The following USH2A variants were observed in gnomAD, a reference collection of about 807,000 sequenced individuals.
USH2A encodes Usher syndrome 2A (autosomal recessive, mild).
USH2A carries 443 observed loss-of-function variants against 538.9 expected under a neutral mutation model. The observed-to-expected ratio is 0.82, with a 90% confidence interval of 0.76 to 0.89. The LOEUF (loss-of-function observed/expected upper bound fraction) is 0.89. USH2A is among the 40% of genes least tolerant of loss of function. USH2A has a pLI of 0.00. For missense variants in USH2A, 6,633 were observed against 6,324.8 expected, an observed-to-expected ratio of 1.05 and a Z score of -1.65; for synonymous variants, 2,413 against 2,273.5, an observed-to-expected ratio of 1.06 and a Z score of -1.75.
intron 32 of USH2A, among the ~76,000 whole-genome samples, chr1:216,040,352 C>G (rs531594573): frequency 6.3e-4 from 96 of 151,986 alleles, no homozygotes; most frequent in African/African-American, 2.3e-3. Context: ...AGTCATTATC[C>G]ACAGCAATGG....
At chr1:216,167,486 T>A (rs950140103) in intron 21 of USH2A, among the ~76,000 whole-genome samples, 1 of 152,056 alleles carries the variant, frequency 6.6e-6, no homozygotes, top group Non-Finnish European at 1.5e-5. Context: ...AACACTTAAC[T>A]GGCAAGGAAA....
chr1:216,337,324 T>C (rs776647836), intron 4 of USH2A, among the ~76,000 whole-genome samples: 1 of 151,294 alleles, frequency 6.6e-6, no homozygotes, highest in Non-Finnish European at 1.5e-5. Context: ...AACTGAAGCA[T>C]ATAGATATTA....
In USH2A at chr1:215,900,153, A is replaced by C. The variant is rs1323786264; in HGVS notation, c.7516T>G (p.Tyr2506Asp). 6.2e-7 allele frequency: 1 copy of C among 1,613,552 alleles called. No individual in the cohort carries two copies. Among genetic ancestry groups the C allele is most frequent in the African/African-American group, 1.3e-5 (1 of 74,870 alleles). The change falls in exon 40 of 72, where the codon TAT (tyrosine) becomes GAT (aspartate). Residue 2506 changes from tyrosine to aspartate, a missense_variant. By Grantham distance (160) the Tyr-to-Asp change is radical (BLOSUM62 -3). Transcript: ENST00000307340. ...EVSDLQPYTE[Y>D]MFRLVASNGF... Reference sequence around the variant, plus strand: ...TTGGAGGCAACCAACCGAAACATATACTCTGTGTACGGTTGGAGATCACTC... The same window carrying C: ...TTGGAGGCAACCAACCGAAACATATCCTCTGTGTACGGTTGGAGATCACTC...
chr1:216,345,542 C>A (rs544489853), intron 4 of USH2A, among the ~76,000 whole-genome samples: 2 of 152,226 alleles, frequency 1.3e-5, no homozygotes. Flanking sequence ...TCTCTCTGTG[C>A]AAACTAGTTC....
At chr1:216,381,183 G>T (rs928252093) in intron 3 of USH2A, among the ~76,000 whole-genome samples, 2 of 152,106 alleles carry the variant, frequency 1.3e-5, no homozygotes, top group African/African-American at 4.8e-5. Flanking sequence ...TGAAGAGGGA[G>T]AGGGAAAAGT....
At position 216,335,755 on chromosome 1, in the gene USH2A, A is replaced by G. The variant is rs541742233; in HGVS notation, c.785-8101T>C. Among the ~76,000 whole-genome samples, 223 of 151,690 alleles carry G rather than the reference A, an allele frequency of 1.5e-3. 2 individuals are homozygous for G. Among genetic ancestry groups the G allele is most frequent in the African/African-American group, 5.2e-3 (214 of 41,502 alleles). On this transcript the variant is annotated intron_variant, in intron 4 of 71. Coordinates refer to ENST00000307340, the MANE Select transcript of USH2A (RefSeq NM_206933.4). The stretch of plus-strand genomic sequence containing the variant: ...TTAGCAATCTGAATAGATCTATACC[A>G]CTAAAAGAGATCAAATTAGTAATTT...
chr1:215,900,986 T>C (rs1211941913), intron 38 of USH2A, 81 bp from the exon 39 acceptor site: 1 of 1,556,236 alleles, frequency 6.4e-7, no homozygotes, highest in African/African-American at 1.4e-5. Flanking sequence ...CTCCATATAC[T>C]GGAAAAACTG....
chr1:215,739,770 AT>A (rs1483519305), intron 60 of USH2A, among the ~76,000 whole-genome samples: 1 of 152,042 alleles, frequency 6.6e-6, no homozygotes, highest in Non-Finnish European at 1.5e-5. Context: ...TCCTTTCGTA[AT>A]TTTTTTCTAT....
chr1:216,422,498 C>T lies in USH2A; in HGVS notation c.-162G>A, dbSNP rs1447400177. On this transcript the variant is annotated 5_prime_UTR_variant, in exon 2 of 72. Coordinates refer to ENST00000307340, the MANE Select transcript of USH2A (RefSeq NM_206933.4). Reference sequence around the variant, plus strand: ...CGTTCTCAGAGTAAGGTAATACCAACGACGTTCTTAGCAATGGCGAAGACA... The same window carrying T: ...CGTTCTCAGAGTAAGGTAATACCAATGACGTTCTTAGCAATGGCGAAGACA... 8.9e-6 allele frequency: 9 copies of T among 1,008,522 alleles called. No homozygotes were observed. Among genetic ancestry groups the T allele is most frequent in the East Asian group, 8.0e-5 (3 of 37,580 alleles). The allele number at this position is 1,008,522 out of a possible 1,614,324, so 62.5% of individuals were successfully genotyped here. A position where few individuals can be genotyped will look rare whatever the true frequency, so the allele number is the denominator to read the frequency against.
chr1:215,792,464 GTTCATTC>G (rs1204583353), intron 50 of USH2A, among the ~76,000 whole-genome samples: 2 of 152,034 alleles, frequency 1.3e-5, no homozygotes, highest in Non-Finnish European at 2.9e-5. Flanking sequence ...CCTAATCAGC[GTTCATTC>G]TTTGCACAGA....
chr1:216,146,544 A>T (rs1245441500), intron 21 of USH2A, among the ~76,000 whole-genome samples: 17 of 151,932 alleles, frequency 1.1e-4, no homozygotes, highest in Non-Finnish European at 1.5e-5. Context: ...AGTACCCCTC[A>T]ACCCCTTCTC....
chr1:215,784,370 T>G (rs1454623850), intron 52 of USH2A, among the ~76,000 whole-genome samples: 2 of 152,194 alleles, frequency 1.3e-5, no homozygotes, highest in Non-Finnish European at 2.9e-5. Context: ...GTCAATATGT[T>G]TTACATTTCT....
intron 9 of USH2A, 142 bp from the exon 10 acceptor site, chr1:216,292,512 C>T (rs1468233907): frequency 5.0e-5 from 47 of 948,182 alleles, no homozygotes; most frequent in South Asian, 3.7e-4. Context: ...AAAAATATTT[C>T]GTAAGTCAGA....
At chr1:216,247,336 T>C in intron 12 of USH2A, 110 bp from the exon 13 acceptor site, 2 of 1,392,112 alleles carry the variant, frequency 1.4e-6, no homozygotes, top group South Asian at 1.2e-5. Flanking sequence ...ATATTGAGTG[T>C]TTTCTCACAA....
intron 46 of USH2A, among the ~76,000 whole-genome samples, chr1:215,840,583 C>T (rs1367011291): frequency 2.0e-5 from 3 of 152,130 alleles, no homozygotes; most frequent in East Asian, 1.9e-4. Context: ...GTTATTTATA[C>T]CTGACTCAAA....
At position 216,248,014 on chromosome 1, in the gene USH2A, A is replaced by C. The variant is rs534978843; in HGVS notation, c.2168-788T>G. Among the ~76,000 whole-genome samples, 22 of 152,272 alleles carry C rather than the reference A, an allele frequency of 1.4e-4. No individual in the cohort carries two copies. The East Asian group carries it at 3.9e-3, about 27-fold the overall frequency. On this transcript the variant is annotated intron_variant, in intron 12 of 71. Transcript: ENST00000307340. The stretch of plus-strand genomic sequence containing the variant: ...TCCACACATTTAAGTAATTAATATA[A>C]ATAAAACTTATCCAGGGCAATTTTT...
chr1:216,241,425 G>T (rs1222799870), intron 13 of USH2A, among the ~76,000 whole-genome samples: 3 of 152,020 alleles, frequency 2.0e-5, no homozygotes, highest in African/African-American at 7.2e-5. Flanking sequence ...GTTAAACAAT[G>T]GCAATACTGG....
intron 3 of USH2A, among the ~76,000 whole-genome samples, chr1:216,413,075 A>T (rs2039515730): frequency 6.6e-6 from 1 of 152,072 alleles, no homozygotes; most frequent in South Asian, 2.1e-4. Flanking sequence ...ATTGATCTTA[A>T]TTTATTTTGA....
intron 32 of USH2A, among the ~76,000 whole-genome samples, chr1:216,045,090 C>T (rs1355222618): frequency 6.6e-6 from 1 of 152,058 alleles, no homozygotes; most frequent in African/African-American, 2.4e-5. Context: ...CTATTACAAC[C>T]TTAGTACCTG....
Sources: gnomAD v4.1 joint callset for allele counts (sites outside exome capture counted in the v4.1 genomes callset) on GRCh38, gnomAD v4.1.1 for gene constraint, MANE v1.5 for transcripts, NCBI Gene and HGNC (gene_info 2026-07-23, HGNC 2026-07-21) for gene names.